The following GRAMD2B variants were observed in gnomAD, a reference collection of about 807,000 sequenced individuals.
GRAMD2B encodes the protein GRAM domain-containing protein 2B.
GRAMD2B carries 41 observed loss-of-function variants against 59.2 expected under a neutral mutation model. The ratio of observed to expected loss-of-function variants is 0.69; its 90% CI spans 0.54 to 0.90. The LOEUF is 0.90. GRAMD2B is among the 40% of genes least tolerant of loss of function. The pLI is 0.00. For synonymous variants in GRAMD2B, 161 were observed against 182.7 expected (o/e 0.88, Z 0.96); for missense variants, 424 against 500.5 (o/e 0.85, Z 1.46).
rs151273206 is a variant in GRAMD2B, at chr5:126,493,231, C to T, written c.*275C>T. 118 of 447,996 alleles carry T rather than the reference C, an allele frequency of 2.6e-4. 1 individual carries two copies. The East Asian group carries it at 4.5e-3, about 17-fold the overall frequency. 27.8% of individuals were successfully genotyped at this position (447,996 alleles called of 1,614,324 possible). On this transcript the variant is annotated 3_prime_UTR_variant, in exon 14 of 14. Transcript: ENST00000285689. ...TCTGGAGGTCTCAGGAAGGGCCCAG[C>T]GAACACACTCTCTTGGATAATTACC... is the stretch of plus-strand genomic sequence containing the variant.
chr5:126,413,924 T>C (rs1759046285), intron 1 of GRAMD2B, among the ~76,000 whole-genome samples: 1 of 152,274 alleles, frequency 6.6e-6, no homozygotes, highest in African/African-American at 2.4e-5. Context: ...AGAAGGCAAG[T>C]CACTTGTCCA....
At chr5:126,454,085 A>G (rs928423472) in intron 1 of GRAMD2B, among the ~76,000 whole-genome samples, 3 of 152,232 alleles carry the variant, frequency 2.0e-5, no homozygotes. Flanking sequence ...CTGAGAATCA[A>G]CACATAGAGG....
intron 1 of GRAMD2B, among the ~76,000 whole-genome samples, chr5:126,452,124 A>G (rs933881245): frequency 6.6e-6 from 1 of 152,208 alleles, no homozygotes; most frequent in African/African-American, 2.4e-5. Flanking sequence ...ATGGACTGAC[A>G]TTCTTGTAAA....
At chr5:126,488,698 A>G in intron 12 of GRAMD2B, 101 bp from the exon 13 acceptor site, 5 of 777,836 alleles carry the variant, frequency 6.4e-6, no homozygotes, top group Non-Finnish European at 1.1e-5. Flanking sequence ...ATTCTCTTCT[A>G]TTATAAACCA....
chr5:126,407,682 A>G (rs1758379897), intron 1 of GRAMD2B, among the ~76,000 whole-genome samples: 1 of 152,020 alleles, frequency 6.6e-6, no homozygotes, highest in Non-Finnish European at 1.5e-5. Context: ...TATCTTTAGT[A>G]ACTTCCTCTA....
chr5:126,401,074 G>A (rs371994494), intron 1 of GRAMD2B, among the ~76,000 whole-genome samples: 4 of 151,780 alleles, frequency 2.6e-5, no homozygotes, highest in African/African-American at 9.7e-5. Flanking sequence ...GCATATATAG[G>A]TTTGGTTGAT....
chr5:126,429,974 T>C (rs889774845), intron 1 of GRAMD2B, among the ~76,000 whole-genome samples: 4 of 152,230 alleles, frequency 2.6e-5, no homozygotes, highest in African/African-American at 7.2e-5. Context: ...CTGAGCTTTT[T>C]ACTCATGGAC....
chr5:126,419,428 T>C (rs1418372829), upstream of GRAMD2B, among the ~76,000 whole-genome samples: 1 of 152,086 alleles, frequency 6.6e-6, no homozygotes, highest in African/African-American at 2.4e-5. Flanking sequence ...AGGGTGGTGC[T>C]ACACCATTAG....
At chr5:126,469,059 A>G (rs1258735484) in intron 2 of GRAMD2B, among the ~76,000 whole-genome samples, 1 of 152,208 alleles carries the variant, frequency 6.6e-6, no homozygotes, top group East Asian at 1.9e-4. Flanking sequence ...AATATTATTT[A>G]GTAATTTGCC....
At chr5:126,369,428 G>A (rs776869613), upstream of GRAMD2B, among the ~76,000 whole-genome samples, 3 of 151,992 alleles carry the variant, frequency 2.0e-5, no homozygotes, top group Admixed American at 2.0e-4. Flanking sequence ...TGTTATATAC[G>A]AAATTATCTA....
At chr5:126,458,614 T>C (rs747815291) in intron 1 of GRAMD2B, among the ~76,000 whole-genome samples, 3 of 151,944 alleles carry the variant, frequency 2.0e-5, no homozygotes, top group Non-Finnish European at 2.9e-5. Context: ...GCTACCACGG[T>C]TGTATATAAC....
At chr5:126,430,671 A>G (rs546119004) in intron 1 of GRAMD2B, among the ~76,000 whole-genome samples, 8 of 152,306 alleles carry the variant, frequency 5.3e-5, no homozygotes, top group African/African-American at 1.7e-4. Flanking sequence ...TACTCTATAA[A>G]TATATGTCTT....
At chr5:126,392,167 A>G (rs1163841970) in intron 1 of GRAMD2B, among the ~76,000 whole-genome samples, 1 of 152,146 alleles carries the variant, frequency 6.6e-6, no homozygotes, top group Non-Finnish European at 1.5e-5. Flanking sequence ...TACAAAAGGG[A>G]TGTATCAGGA....
chr5:126,464,529 T>C (rs979765461), intron 1 of GRAMD2B, among the ~76,000 whole-genome samples: 1 of 152,206 alleles, frequency 6.6e-6, no homozygotes, highest in African/African-American at 2.4e-5. Context: ...CCCAAGCTGG[T>C]TGTCCTCTGT....
intron 10 of GRAMD2B, 52 bp from the exon 11 acceptor site, chr5:126,485,634 A>T (rs1399670634): frequency 1.8e-6 from 2 of 1,140,394 alleles, no homozygotes; most frequent in Non-Finnish European, 2.6e-6. Context: ...TTGCTGGATA[A>T]AAGAAGTGTG....
At chr5:126,412,457 GC>G (rs1758891560) in intron 1 of GRAMD2B, among the ~76,000 whole-genome samples, 1 of 152,046 alleles carries the variant, frequency 6.6e-6, no homozygotes, top group Admixed American at 6.6e-5. Context: ...CAGGAATTAA[GC>G]CTATTTGTTT....
intron 1 of GRAMD2B, among the ~76,000 whole-genome samples, chr5:126,431,597 T>G (rs1437063295): frequency 6.6e-6 from 1 of 152,176 alleles, no homozygotes; most frequent in Non-Finnish European, 1.5e-5. Flanking sequence ...GGCCACCCTC[T>G]GAACAATTCA....
intron 1 of GRAMD2B, among the ~76,000 whole-genome samples, chr5:126,415,649 C>T (rs891193488): frequency 6.6e-6 from 1 of 152,126 alleles, no homozygotes; most frequent in Non-Finnish European, 1.5e-5. Flanking sequence ...GAAAAACTTT[C>T]TTATTTGCCT....
exon 1 of GRAMD2B, chr5:126,360,389 G>A: frequency 6.4e-7 from 1 of 1,551,428 alleles, no homozygotes; most frequent in East Asian, 2.4e-5. Flanking sequence ...AACATTCCAA[G>A]CACAGCTTAT....
Sources: gnomAD v4.1 joint callset for allele counts (sites outside exome capture counted in the v4.1 genomes callset) on GRCh38, gnomAD v4.1.1 for gene constraint, MANE v1.5 for transcripts, NCBI Gene and HGNC (gene_info 2026-07-23, HGNC 2026-07-21) for gene names.